The following ZNF670 variants were observed in gnomAD, a reference collection of about 807,000 sequenced individuals.
The protein encoded by ZNF670 is zinc finger protein 670.
Under a neutral mutation model 10.9 loss-of-function variants are expected in ZNF670, and 7 were observed. The observed-to-expected ratio is 0.64, with a 90% CI of 0.36 to 1.20. ZNF670 has a LOEUF of 1.20. ZNF670 is among the 50% of genes most tolerant of loss of function. The pLI, the probability that ZNF670 is intolerant of heterozygous loss-of-function variation, is 0.02. For missense variants in ZNF670, 446 were observed against 458.6 expected, an observed-to-expected ratio of 0.97 and a Z score of 0.25; for synonymous variants, 136 against 152.7, an observed-to-expected ratio of 0.89 and a Z score of 0.81.
At chr1:247,051,876 G>A (rs1475486980) in intron 1 of ZNF670, among the ~76,000 whole-genome samples, 1 of 141,484 alleles carries the variant, frequency 7.1e-6, no homozygotes, top group Non-Finnish European at 1.5e-5. Context: ...CACTTCTATT[G>A]TTGAAACTTT....
At chr1:247,074,147 C>A (rs1443108924) in intron 1 of ZNF670, among the ~76,000 whole-genome samples, 2 of 152,180 alleles carry the variant, frequency 1.3e-5, no homozygotes, top group Non-Finnish European at 2.9e-5. Context: ...TACAATAAAG[C>A]CAGAAACAGA....
chr1:247,056,360 A>G (rs1670715012), intron 1 of ZNF670, among the ~76,000 whole-genome samples: 1 of 152,236 alleles, frequency 6.6e-6, no homozygotes, highest in South Asian at 2.1e-4. Flanking sequence ...GATTAAAACT[A>G]GGAATCAATA....
intron 1 of ZNF670, among the ~76,000 whole-genome samples, chr1:247,050,431 G>A (rs1203976118): frequency 6.6e-6 from 1 of 151,632 alleles, no homozygotes; most frequent in African/African-American, 2.4e-5. Flanking sequence ...TATGTGTCAG[G>A]TGAGTCTCTT....
chr1:247,065,927 T>C (rs1414456395), intron 1 of ZNF670, among the ~76,000 whole-genome samples: 1 of 152,204 alleles, frequency 6.6e-6, no homozygotes, highest in Non-Finnish European at 1.5e-5. Flanking sequence ...AATAAATTTA[T>C]GAAGCATTGT....
At chr1:247,073,831 A>G (rs973675106) in intron 1 of ZNF670, among the ~76,000 whole-genome samples, 7 of 152,202 alleles carry the variant, frequency 4.6e-5, no homozygotes, top group African/African-American at 1.7e-4. Context: ...ATTGCTCATA[A>G]GTCAGAGGTT....
intron 1 of ZNF670, among the ~76,000 whole-genome samples, chr1:247,054,421 G>C (rs1162793158): frequency 6.6e-6 from 1 of 152,226 alleles, no homozygotes. Context: ...GAGAGGCGAG[G>C]GAAGAGTAAA....
intron 1 of ZNF670, among the ~76,000 whole-genome samples, chr1:247,046,048 G>A (rs910562742): frequency 1.3e-5 from 2 of 152,202 alleles, no homozygotes; most frequent in African/African-American, 4.8e-5. Context: ...TTTCTAAGCA[G>A]CAAAGGATTC....
At chr1:247,041,811 A>T (rs1670317973) in intron 1 of ZNF670, among the ~76,000 whole-genome samples, 1 of 152,244 alleles carries the variant, frequency 6.6e-6, no homozygotes, top group South Asian at 2.1e-4. Context: ...TGTGAAACAT[A>T]CTGACACAAG....
intron 1 of ZNF670, 70 bp downstream of exon 1, chr1:247,078,524 C>A: frequency 1.2e-6 from 2 of 1,601,312 alleles, no homozygotes; most frequent in African/African-American, 1.3e-5. Context: ...CGGGGAGGTC[C>A]GGGTTCGCCA....
intron 1 of ZNF670, among the ~76,000 whole-genome samples, chr1:247,069,864 G>A (rs1671075478): frequency 6.6e-6 from 1 of 152,208 alleles, no homozygotes; most frequent in Admixed American, 6.5e-5. Flanking sequence ...AGGGGGACTA[G>A]GGAAGAGGTG....
chr1:247,078,480 C>G, intron 1 of ZNF670, 114 bp downstream of exon 1: 1 of 1,391,384 alleles, frequency 7.2e-7, no homozygotes, highest in African/African-American at 1.4e-5. Flanking sequence ...CCACTAAGGC[C>G]GCGAGGCGCC....
chr1:247,070,106 A>G (rs1671080669), intron 1 of ZNF670, among the ~76,000 whole-genome samples: 1 of 152,122 alleles, frequency 6.6e-6, no homozygotes, highest in Admixed American at 6.6e-5. Context: ...CCTGTACCCC[A>G]TAAATATACA....
At chr1:247,065,969 A>G (rs1670970721) in intron 1 of ZNF670, among the ~76,000 whole-genome samples, 1 of 152,226 alleles carries the variant, frequency 6.6e-6, no homozygotes, top group Non-Finnish European at 1.5e-5. Flanking sequence ...CACTGTCAAC[A>G]TCAAAAACTA....
At position 247,078,621 on chromosome 1, in the gene ZNF670, C is replaced by A. The variant is rs1327136933; in HGVS notation, c.-25G>T. On this transcript the variant is annotated 5_prime_UTR_variant, in exon 1 of 4. Coordinates refer to ENST00000366503, the MANE Select transcript of ZNF670 (RefSeq NM_033213.5). ...TTTCCCAGTCTCCGGTGTCTGGGGT[C>A]CTCCCTAAGGACCTTCCGGGACCTG... The A allele has an allele frequency of 1.9e-6, 3 of 1,613,570 alleles. No homozygotes were observed. In the East Asian group the frequency reaches 6.7e-5, roughly 36 times the overall value.
At chr1:247,039,818 A>C (rs1424283947) in intron 1 of ZNF670, among the ~76,000 whole-genome samples, 4 of 152,180 alleles carry the variant, frequency 2.6e-5, no homozygotes, top group Non-Finnish European at 5.9e-5. Context: ...GGTCACCCCT[A>C]ATTTCTATGT....
At chr1:247,058,980 C>T (rs895208962) in intron 1 of ZNF670, among the ~76,000 whole-genome samples, 10 of 152,152 alleles carry the variant, frequency 6.6e-5, no homozygotes, top group Non-Finnish European at 1.2e-4. Context: ...ATTCTCTATA[C>T]GCTCTTCCAG....
intron 1 of ZNF670, among the ~76,000 whole-genome samples, chr1:247,065,497 A>AT (rs1670960319): frequency 6.6e-6 from 1 of 152,226 alleles, no homozygotes. Flanking sequence ...TTCTACTAAA[A>AT]TTAAGAAGAG....
intron 1 of ZNF670, among the ~76,000 whole-genome samples, chr1:247,061,388 G>A (rs1391589144): frequency 6.6e-6 from 1 of 151,890 alleles, no homozygotes; most frequent in Non-Finnish European, 1.5e-5. Flanking sequence ...TCACCATCTT[G>A]GCCAGGCTAG....
intron 1 of ZNF670, among the ~76,000 whole-genome samples, chr1:247,077,430 G>A (rs1572576895): frequency 6.6e-6 from 1 of 152,156 alleles, no homozygotes; most frequent in East Asian, 1.9e-4. Flanking sequence ...TTCCAAAAGG[G>A]AACTTCACCC....
Sources: allele counts gnomAD v4.1 joint callset (sites outside exome capture counted in the v4.1 genomes callset), GRCh38; gene constraint gnomAD v4.1.1; transcripts MANE v1.5; gene names NCBI Gene and HGNC (gene_info 2026-07-23, HGNC 2026-07-21).